Variants in FNDC3B observed in about 807,000 individuals in gnomAD.
FNDC3B encodes the protein fibronectin type III domain containing 3B, also known as fibronectin type III domain-containing protein 3B.
A neutral mutation model predicts 151.5 loss-of-function variants in FNDC3B; 12 were observed. The ratio of observed to expected loss-of-function variants is 0.08; its 90% CI spans 0.05 to 0.13. The LOEUF (loss-of-function observed/expected upper bound fraction) is 0.13, where lower values mean the gene tolerates loss of function less well. FNDC3B is among the 10% of genes least tolerant of loss of function. The pLI is 1.00. For synonymous variants in FNDC3B, 528 were observed against 549.0 expected, an observed-to-expected ratio of 0.96 and a Z score of 0.54; for missense variants, 1,214 against 1,505.3, an observed-to-expected ratio of 0.81 and a Z score of 3.20.
intron 23 of FNDC3B, among the ~76,000 whole-genome samples, chr3:172,374,940 T>A (rs554079116): frequency 2.6e-5 from 4 of 152,296 alleles, no homozygotes; most frequent in East Asian, 3.9e-4. Flanking sequence ...ATTTAATGAA[T>A]TTTTTTGTTG....
intron 6 of FNDC3B, among the ~76,000 whole-genome samples, chr3:172,258,168 G>C (rs1728460742): frequency 6.6e-6 from 1 of 152,152 alleles, no homozygotes; most frequent in Non-Finnish European, 1.5e-5. Flanking sequence ...GGAAGAAAAT[G>C]AACGTACAGC....
chr3:172,102,592 C>T (rs62283810), intron 1 of FNDC3B, among the ~76,000 whole-genome samples: 8,195 of 152,214 alleles, frequency 0.054, 313 homozygotes, highest in East Asian at 0.19. Flanking sequence ...GAAACTAAGA[C>T]ACAGAGAGCT....
At chr3:172,109,914 C>T (rs1719876375) in intron 1 of FNDC3B, among the ~76,000 whole-genome samples, 1 of 152,180 alleles carries the variant, frequency 6.6e-6, no homozygotes, top group Non-Finnish European at 1.5e-5. Flanking sequence ...GATGGTTTTG[C>T]ACATCTGTGT....
In FNDC3B at chr3:172,177,356, G is replaced by A. The variant is rs565254921; in HGVS notation, c.187+43810G>A. Reference sequence around the variant, plus strand: ...CTTGGGCACTTCTTTTACCCATTACGTTAGAGCTGCTTAGATAGAAGTTGC... The same window carrying A: ...CTTGGGCACTTCTTTTACCCATTACATTAGAGCTGCTTAGATAGAAGTTGC... On this transcript the variant is annotated intron_variant, in intron 3 of 25. Coordinates refer to ENST00000415807, the MANE Select transcript of FNDC3B (RefSeq NM_022763.4). 1.5e-4 allele frequency among the ~76,000 whole-genome samples: 23 copies of A among 152,254 alleles called. No individual in the cohort carries two copies. In the South Asian group the frequency reaches 1.9e-3, roughly 12 times the overall value.
intron 3 of FNDC3B, among the ~76,000 whole-genome samples, chr3:172,197,095 C>T (rs939378718): frequency 6.6e-6 from 1 of 151,994 alleles, no homozygotes; most frequent in Non-Finnish European, 1.5e-5. Context: ...GCAGGAGAAT[C>T]ACTTGAACCT....
chr3:172,349,046 T>C, intron 21 of FNDC3B, among the ~76,000 whole-genome samples: 1 of 151,936 alleles, frequency 6.6e-6, no homozygotes. Flanking sequence ...ATCCCAGCAC[T>C]GTAGGAGGCT....
chr3:172,073,359 T>C (rs1162066520), intron 1 of FNDC3B, among the ~76,000 whole-genome samples: 2 of 152,220 alleles, frequency 1.3e-5, no homozygotes, highest in Non-Finnish European at 2.9e-5. Context: ...AGTTCGAATG[T>C]AGAGACTGGC....
At chr3:172,103,638 A>G (rs1719481830) in intron 1 of FNDC3B, among the ~76,000 whole-genome samples, 1 of 152,102 alleles carries the variant, frequency 6.6e-6, no homozygotes, top group Admixed American at 6.5e-5. Flanking sequence ...GCTTGAACCT[A>G]GTATTTATTT....
In FNDC3B at chr3:172,337,334, C is replaced by G. The variant is rs565151258; in HGVS notation, c.1785C>G (p.Pro595=). ...TSHGFSVKWD[P]PKDNGGSEIL... The stretch of plus-strand genomic sequence containing the variant: ...AGACATTTGGTTATTTTCCAGATCC[C>G]CCTAAGGACAATGGTGGTTCAGAAA... Residue 595 remains proline, a synonymous_variant, in exon 16 of 26, where the codon CCC becomes CCG. Transcript: ENST00000415807. The G allele has an allele frequency of 8.1e-6, 13 of 1,604,654 alleles. No homozygotes were observed. In the African/African-American group the frequency reaches 1.3e-4, roughly 17 times the overall value.
At position 172,198,703 on chromosome 3, in the gene FNDC3B, G is replaced by A. The variant is rs184686700; in HGVS notation, c.188-28168G>A. On this transcript the variant is annotated intron_variant, in intron 3 of 25. Coordinates refer to ENST00000415807, the MANE Select transcript of FNDC3B (RefSeq NM_022763.4). ...CTTTTATGTGGATACTCCATGTTGC[G>A]CTGTTCCCACATCTAGACATCTTCC... 1.3e-3 allele frequency among the ~76,000 whole-genome samples: 205 copies of A among 152,194 alleles called. 2 individuals carry two copies. The highest frequency in any genetic ancestry group is 6.6e-4 in the Non-Finnish European group (45 of 68,014).
intron 6 of FNDC3B, among the ~76,000 whole-genome samples, chr3:172,280,372 TG>T (rs1729645733): frequency 2.6e-5 from 4 of 152,398 alleles, no homozygotes; most frequent in African/African-American, 9.6e-5. Flanking sequence ...TTTGTTTGTT[TG>T]TTTTCATATT....
At chr3:172,130,146 C>T (rs1416767851) in intron 2 of FNDC3B, among the ~76,000 whole-genome samples, 2 of 152,090 alleles carry the variant, frequency 1.3e-5, no homozygotes, top group Admixed American at 6.5e-5. Flanking sequence ...CTGTCAGGAC[C>T]GGTCATTGGG....
intron 3 of FNDC3B, among the ~76,000 whole-genome samples, chr3:172,197,474 A>G (rs1724899398): frequency 6.6e-6 from 1 of 152,216 alleles, no homozygotes; most frequent in Non-Finnish European, 1.5e-5. Context: ...CAACATTAGG[A>G]CACTTACTTT....
intron 1 of FNDC3B, chr3:172,047,092 A>T (rs1367651612): frequency 6.6e-6 from 1 of 152,172 alleles, no homozygotes; most frequent in African/African-American, 2.4e-5. Context: ...AGTAGTAAAG[A>T]TTTTCATAAA....
At chr3:172,235,122 C>T (rs989116909) in intron 4 of FNDC3B, among the ~76,000 whole-genome samples, 5 of 151,848 alleles carry the variant, frequency 3.3e-5, no homozygotes, top group Admixed American at 6.6e-5. Context: ...AAAGGTGATA[C>T]GGTAAGTTTT....
intron 25 of FNDC3B, among the ~76,000 whole-genome samples, chr3:172,394,323 A>G (rs893984408): frequency 6.6e-6 from 1 of 151,958 alleles, no homozygotes; most frequent in Admixed American, 6.6e-5. Flanking sequence ...CTAGAAAAAC[A>G]GTACAAAGAT....
intron 12 of FNDC3B, 108 bp from the exon 13 acceptor site, chr3:172,330,433 C>A: frequency 1.0e-6 from 1 of 953,360 alleles, no homozygotes; most frequent in Non-Finnish European, 1.6e-6. Context: ...TTTGCTTACT[C>A]TACCTGCTAG....
chr3:172,369,413 A>G (rs1008529297), intron 23 of FNDC3B, among the ~76,000 whole-genome samples: 2 of 152,160 alleles, frequency 1.3e-5, no homozygotes, highest in Admixed American at 1.3e-4. Context: ...CCTTTTTTTA[A>G]ATATAAATAA....
chr3:172,159,060 C>T (rs1222830934), intron 3 of FNDC3B, among the ~76,000 whole-genome samples: 1 of 152,212 alleles, frequency 6.6e-6, no homozygotes, highest in African/African-American at 2.4e-5. Context: ...GTGGGCAGAT[C>T]ACAAGGTCAG....
Sources: allele counts gnomAD v4.1 joint callset (sites outside exome capture counted in the v4.1 genomes callset), GRCh38; gene constraint gnomAD v4.1.1; transcripts MANE v1.5; gene names NCBI Gene and HGNC (gene_info 2026-07-23, HGNC 2026-07-21).